Variants in CAMTA1 observed in about 807,000 individuals in gnomAD.
CAMTA1 encodes the protein calmodulin-binding transcription activator 1.
Under a neutral mutation model 170.9 loss-of-function variants are expected in CAMTA1, and 27 were observed. The ratio of observed to expected loss-of-function variants is 0.16; its 90% CI spans 0.12 to 0.22. The LOEUF (loss-of-function observed/expected upper bound fraction) is 0.22, where lower values mean the gene tolerates loss of function less well. CAMTA1 is among the 10% of genes least tolerant of loss of function. CAMTA1 has a pLI of 1.00. For missense variants in CAMTA1, 1,619 were observed against 2,217.2 expected (o/e 0.73, Z 5.42); for synonymous variants, 833 against 891.5 (o/e 0.93, Z 1.17).
At chr1:7,157,388 A>G (rs1331850105) in intron 4 of CAMTA1, among the ~76,000 whole-genome samples, 1 of 151,010 alleles carries the variant, frequency 6.6e-6, no homozygotes, top group Non-Finnish European at 1.5e-5. Flanking sequence ...CAAAAAACAA[A>G]AAAAAATTTT....
At chr1:6,923,056 A>T (rs1442013863) in intron 3 of CAMTA1, among the ~76,000 whole-genome samples, 1 of 152,144 alleles carries the variant, frequency 6.6e-6, no homozygotes, top group Non-Finnish European at 1.5e-5. Context: ...TGAGATGATG[A>T]ATTAAAGTCG....
intron 5 of CAMTA1, among the ~76,000 whole-genome samples, chr1:7,392,445 G>A (rs1034588240): frequency 5.3e-5 from 8 of 150,980 alleles, no homozygotes; most frequent in South Asian, 2.1e-4. Context: ...AGTAGAGTCC[G>A]GGTTTCTCCA....
At chr1:6,826,275 A>G (rs1570530384) in intron 3 of CAMTA1, among the ~76,000 whole-genome samples, 1 of 152,288 alleles carries the variant, frequency 6.6e-6, no homozygotes, top group African/African-American at 2.4e-5. Context: ...ACTTGTCTCA[A>G]CTGATTGTAA....
At chr1:7,573,085 A>C (rs1234306612) in intron 6 of CAMTA1, among the ~76,000 whole-genome samples, 1 of 152,226 alleles carries the variant, frequency 6.6e-6, no homozygotes, top group East Asian at 1.9e-4. Context: ...TTACTCCTGG[A>C]CAAGACTCAA....
At chr1:7,281,989 G>A (rs1438670678) in intron 5 of CAMTA1, among the ~76,000 whole-genome samples, 1 of 152,146 alleles carries the variant, frequency 6.6e-6, no homozygotes, top group African/African-American at 2.4e-5. Context: ...GTGTCATCCT[G>A]AAGAATGCAC....
intron 4 of CAMTA1, among the ~76,000 whole-genome samples, chr1:7,247,852 A>T (rs74051683): frequency 0.031 from 4,675 of 152,214 alleles, 234 homozygotes; most frequent in African/African-American, 0.11. Flanking sequence ...AATGGAAGTG[A>T]ATTGTAAGGT....
At chr1:7,461,630 T>C (rs562811060) in intron 5 of CAMTA1, among the ~76,000 whole-genome samples, 1 of 152,382 alleles carries the variant, frequency 6.6e-6, no homozygotes, top group South Asian at 2.1e-4. Flanking sequence ...TGAAATTAGA[T>C]GCTGGCCTCA....
In CAMTA1 at chr1:7,682,136, G is replaced by C. The variant is rs1464775225; in HGVS notation, c.2914+4403G>C. The stretch of plus-strand genomic sequence containing the variant: ...CGTGCAGCTCCCCTGGGCTTGGCTG[G>C]TCTCCTGGGCAGGCCCCCTTCTGGC... On this transcript the variant is annotated intron_variant, in intron 11 of 22. Coordinates refer to ENST00000303635, the MANE Select transcript of CAMTA1 (RefSeq NM_015215.4). This position sits in a 1 kb window ranked among gnomAD's most constrained non-coding sequence, Gnocchi z 5.0. Among the ~76,000 whole-genome samples, 1 of 152,192 alleles carries C rather than the reference G, an allele frequency of 6.6e-6. No individual in the cohort carries two copies. Among genetic ancestry groups the C allele is most frequent in the African/African-American group, 2.4e-5 (1 of 41,444 alleles).
At chr1:7,581,618 A>G (rs1273069079) in intron 6 of CAMTA1, among the ~76,000 whole-genome samples, 1 of 152,220 alleles carries the variant, frequency 6.6e-6, no homozygotes, top group African/African-American at 2.4e-5. Flanking sequence ...TGGAGGTGGG[A>G]CCGGCCAAGA....
chr1:7,296,994 G>A (rs1674048422), intron 5 of CAMTA1, among the ~76,000 whole-genome samples: 2 of 152,208 alleles, frequency 1.3e-5, no homozygotes, highest in African/African-American at 4.8e-5. Context: ...CAAGAAGGAG[G>A]AAATGGTTAG....
At chr1:7,563,134 C>T (rs6684896) in intron 6 of CAMTA1, among the ~76,000 whole-genome samples, 40,381 of 152,198 alleles carry the variant, frequency 0.27, 6,418 homozygotes, top group East Asian at 0.5. Flanking sequence ...CCCTGGTCAT[C>T]GGGCTGTAGC....
At chr1:6,941,764 G>A (rs1012280517) in intron 3 of CAMTA1, among the ~76,000 whole-genome samples, 6 of 152,236 alleles carry the variant, frequency 3.9e-5, no homozygotes, top group Admixed American at 3.3e-4. Flanking sequence ...TGGAAGGGTG[G>A]AGGCCGTACA....
At chr1:7,212,819 A>G (rs1438718412) in intron 4 of CAMTA1, among the ~76,000 whole-genome samples, 1 of 152,126 alleles carries the variant, frequency 6.6e-6, no homozygotes, top group Non-Finnish European at 1.5e-5. Flanking sequence ...TATGTCTATA[A>G]TTTTTATCAT....
At chr1:7,598,190 G>GT (rs1374209010) in intron 6 of CAMTA1, among the ~76,000 whole-genome samples, 11 of 151,604 alleles carry the variant, frequency 7.3e-5, no homozygotes, top group African/African-American at 2.4e-4. Context: ...GTGGTGTTTG[G>GT]TTTTTTATCC....
At chr1:6,972,333 A>T (rs1159683244) in intron 3 of CAMTA1, among the ~76,000 whole-genome samples, 1 of 152,190 alleles carries the variant, frequency 6.6e-6, no homozygotes, top group Non-Finnish European at 1.5e-5. Flanking sequence ...AAAGGCAGAA[A>T]AACCTCCGTT....
chr1:7,072,592 C>T (rs142140853), intron 3 of CAMTA1, among the ~76,000 whole-genome samples: 235 of 152,246 alleles, frequency 1.5e-3, no homozygotes, highest in Non-Finnish European at 2.6e-3. Flanking sequence ...CACTGCAGAA[C>T]GTCAGGCAGG....
At chr1:6,832,670 G>T (rs1650888908) in intron 3 of CAMTA1, among the ~76,000 whole-genome samples, 1 of 152,168 alleles carries the variant, frequency 6.6e-6, no homozygotes, top group Non-Finnish European at 1.5e-5. Flanking sequence ...TGATGGCGTG[G>T]AAAGTCAGTT....
chr1:7,498,889 ATGG>A (rs2093899234), intron 6 of CAMTA1, among the ~76,000 whole-genome samples: 1 of 133,330 alleles, frequency 7.5e-6, no homozygotes, highest in Admixed American at 7.6e-5. Flanking sequence ...TGTAGAGAGG[ATGG>A]TGTGAGCCTG....
chr1:7,488,368 C>T (rs1426571079), intron 6 of CAMTA1, among the ~76,000 whole-genome samples: 1 of 152,086 alleles, frequency 6.6e-6, no homozygotes, highest in East Asian at 1.9e-4. Flanking sequence ...CCACTGGCTC[C>T]AAGGAGTCCT....
Sources: gnomAD v4.1 joint callset for allele counts (sites outside exome capture counted in the v4.1 genomes callset) on GRCh38, gnomAD v4.1.1 for gene constraint, Gnocchi (gnomAD v3.1) non-coding constraint, MANE v1.5 for transcripts, NCBI Gene and HGNC (gene_info 2026-07-23, HGNC 2026-07-21) for gene names.